Variants in GSE1 observed in about 807,000 individuals in gnomAD.
GSE1 encodes Gse1 coiled-coil protein.
Under a neutral mutation model 112.6 loss-of-function variants are expected in GSE1, and 32 were observed. The observed-to-expected ratio is 0.28, with a 90% CI of 0.21 to 0.38. The LOEUF is 0.38. Among genes scored for constraint, GSE1 ranks in the 10% least tolerant of loss-of-function variants. The pLI is 1.00. For synonymous variants in GSE1, 1,115 were observed against 735.6 expected, an observed-to-expected ratio of 1.52 and a Z score of -8.35; for missense variants, 2,348 against 1,699.2, an observed-to-expected ratio of 1.38 and a Z score of -6.71.
At chr16:85,615,504 GC>G (rs2048318475) in intron 1 of GSE1, among the ~76,000 whole-genome samples, 1 of 151,678 alleles carries the variant, frequency 6.6e-6, no homozygotes, top group South Asian at 2.1e-4. Context: ...CGGTTTTGAC[GC>G]TTGGAGTTTT....
At chr16:85,342,860 C>T (rs1219454086) in intron 1 of GSE1, among the ~76,000 whole-genome samples, 1 of 151,084 alleles carries the variant, frequency 6.6e-6, no homozygotes, top group Non-Finnish European at 1.5e-5. Context: ...TTCAGCGGCA[C>T]CCCCTCTCCA....
At chr16:85,531,209 C>A (rs571801682) in intron 2 of GSE1, among the ~76,000 whole-genome samples, 1 of 152,202 alleles carries the variant, frequency 6.6e-6, no homozygotes, top group Non-Finnish European at 1.5e-5. Flanking sequence ...TGTCCTTTAG[C>A]CCCACTGTGG....
At chr16:85,642,113 T>G (rs1483264903) in intron 2 of GSE1, among the ~76,000 whole-genome samples, 1 of 152,230 alleles carries the variant, frequency 6.6e-6, no homozygotes, top group Non-Finnish European at 1.5e-5. Context: ...CGTGGCACAC[T>G]GAGTCTCCTG....
intron 1 of GSE1, among the ~76,000 whole-genome samples, chr16:85,568,584 C>T (rs565631475): frequency 1.3e-5 from 2 of 152,276 alleles, no homozygotes; most frequent in Admixed American, 1.3e-4. Flanking sequence ...TCGTTGACTT[C>T]AGTACAGGGT....
At chr16:85,537,798 CT>C (rs5818541) in intron 2 of GSE1, among the ~76,000 whole-genome samples, 80,069 of 152,032 alleles carry the variant, frequency 0.53, 21,590 homozygotes, top group African/African-American at 0.6. Context: ...AAATGGTACC[CT>C]AAAGCCCCGC....
At chr16:85,631,034 C>A (rs544573824) in intron 1 of GSE1, among the ~76,000 whole-genome samples, 4 of 152,136 alleles carry the variant, frequency 2.6e-5, no homozygotes, top group African/African-American at 9.7e-5. Context: ...TTGCGTTCCC[C>A]GGGGCCCTGC....
chr16:85,261,911 G>A (rs11863123), intron 1 of GSE1, among the ~76,000 whole-genome samples: 19,586 of 152,144 alleles, frequency 0.13, 1,768 homozygotes, highest in African/African-American at 0.25. Context: ...AAACCCTCGT[G>A]TGTATCCTGA....
At chr16:85,652,307 C>G (rs1048595015) in intron 3 of GSE1, among the ~76,000 whole-genome samples, 5 of 152,242 alleles carry the variant, frequency 3.3e-5, no homozygotes, top group African/African-American at 9.6e-5. Context: ...CTCGGCCACT[C>G]CCCCACTACC....
rs751944479 is a variant in GSE1, at chr16:85,661,602, C to T, written c.2097C>T (p.Phe699=). The change falls in exon 9 of 16, where the codon TTC becomes TTT. Residue 699 remains phenylalanine, a synonymous_variant. Coordinates refer to ENST00000253458, the MANE Select transcript of GSE1 (RefSeq NM_014615.5). The part of the protein sequence containing the change: ...QRASLPQAAT[F]GELSGPLKPG... ...CCTCCCTCCCACAGGCGGCCACCTTCGGGGAGCTCAGCGGACCCCTGAAGC... is the reference window on the plus strand; with the variant it reads ...CCTCCCTCCCACAGGCGGCCACCTTTGGGGAGCTCAGCGGACCCCTGAAGC... The T allele has an allele frequency of 1.9e-5, 30 of 1,610,352 alleles. No homozygotes were observed. Among genetic ancestry groups the T allele is most frequent in the African/African-American group, 1.1e-4 (8 of 74,910 alleles).
chr16:85,668,831 C>T (rs1383426722), intron 14 of GSE1, among the ~76,000 whole-genome samples: 3 of 152,248 alleles, frequency 2.0e-5, no homozygotes, highest in Admixed American at 6.5e-5. Context: ...ACAGACTCCC[C>T]ACACTGCAAG....
intron 15 of GSE1, 199 bp from the exon 16 acceptor site, chr16:85,672,206 G>A: frequency 1.7e-6 from 1 of 586,344 alleles, no homozygotes; most frequent in South Asian, 1.7e-5. Context: ...TGTTGGCCAG[G>A]CTGGTCTCGA....
In GSE1 at chr16:85,365,211, G is replaced by A. The variant is rs58273726; in HGVS notation, c.2464+7568G>A. Among the ~76,000 whole-genome samples the A allele has an allele frequency of 5.0e-3, 767 of 152,232 alleles. 8 individuals carry two copies. Among genetic ancestry groups the A allele is most frequent in the African/African-American group, 0.017 (695 of 41,536 alleles). ...AAGTCACGCTTGCATCCTCACACCC[G>A]CCCCCAGTATCCCCGGGAGACCAGC... On this transcript the variant is annotated intron_variant, in intron 2 of 2. Transcript: ENST00000637419.
At chr16:85,294,666 TCTCTC>T in intron 1 of GSE1, among the ~76,000 whole-genome samples, 1 of 116,470 alleles carries the variant, frequency 8.6e-6, no homozygotes, top group South Asian at 3.1e-4. Context: ...TCTGTCTCTC[TCTCTC>T]CCCCCCCTTC....
chr16:85,271,318 C>T (rs1342476245), intron 1 of GSE1, among the ~76,000 whole-genome samples: 1 of 152,188 alleles, frequency 6.6e-6, no homozygotes, highest in Non-Finnish European at 1.5e-5. Context: ...GCCCCTCTTC[C>T]CCGCGCTCCT....
chr16:85,321,604 C>T (rs2046108249), intron 1 of GSE1, among the ~76,000 whole-genome samples: 1 of 151,924 alleles, frequency 6.6e-6, no homozygotes, highest in Non-Finnish European at 1.5e-5. Flanking sequence ...CTGCTACACT[C>T]CAGCCTGGGT....
At chr16:85,215,947 C>T (rs2075300588) in intron 1 of GSE1, among the ~76,000 whole-genome samples, 1 of 152,184 alleles carries the variant, frequency 6.6e-6, no homozygotes, top group Non-Finnish European at 1.5e-5. Flanking sequence ...TGTCTGCAAA[C>T]CCAGCTGTGA....
intron 1 of GSE1, among the ~76,000 whole-genome samples, chr16:85,215,593 C>T (rs1567615551): frequency 1.3e-5 from 2 of 152,172 alleles, no homozygotes; most frequent in South Asian, 4.1e-4. Flanking sequence ...CCTTATAGAG[C>T]TGTGGTGGCA....
At chr16:85,325,213 C>G (rs1226667657) in intron 1 of GSE1, among the ~76,000 whole-genome samples, 1 of 152,082 alleles carries the variant, frequency 6.6e-6, no homozygotes, top group Non-Finnish European at 1.5e-5. Flanking sequence ...AAGTGATCCT[C>G]CCACCTCAGT....
rs1555546395 is a variant in GSE1 at position 85,246,233 on chromosome 16, A to ACACACACAC, written c.2283+74431_2283+74432insACACCACAC. ...CACACACACACACACACACACACAC[A>ACACACACAC]CACACGCACACCACACGCTGTCTAC... On this transcript the variant is annotated intron_variant, in intron 1 of 2. Coordinates refer to the GSE1 transcript ENST00000637419. 3.1e-4 allele frequency among the ~76,000 whole-genome samples: 42 copies of ACACACACAC among 134,484 alleles called. 2 individuals carry two copies. The highest frequency in any genetic ancestry group is 1.2e-3 in the African/African-American group (42 of 35,448). The allele number at this position is 134,484 out of a possible 152,430, so 88.2% of individuals were successfully genotyped here.
Sources: gnomAD v4.1 joint callset for allele counts (sites outside exome capture counted in the v4.1 genomes callset) on GRCh38, gnomAD v4.1.1 for gene constraint, MANE v1.5 for transcripts, NCBI Gene and HGNC (gene_info 2026-07-23, HGNC 2026-07-21) for gene names.